The following ARB2A variants were observed in gnomAD, a reference collection of about 807,000 sequenced individuals.
The protein encoded by ARB2A is ARB2 cotranscriptional regulator A.
the ARB2A span, among the ~76,000 whole-genome samples, chr5:93,752,406 A>G: frequency 6.6e-6 from 1 of 152,212 alleles, no homozygotes; most frequent in Non-Finnish European, 1.5e-5. Context: ...TTATTTATCT[A>G]AAAGCATTCC....
chr5:93,864,517 A>C, the ARB2A span, among the ~76,000 whole-genome samples: 1 of 152,156 alleles, frequency 6.6e-6, no homozygotes, highest in Admixed American at 6.6e-5. Context: ...CCAACAAACT[A>C]ATTCCTTTTA....
the ARB2A span, among the ~76,000 whole-genome samples, chr5:93,854,014 G>A: frequency 5.9e-5 from 9 of 152,164 alleles, no homozygotes; most frequent in African/African-American, 1.2e-4. Flanking sequence ...ATTGATTGGA[G>A]TAGTTTCAGA....
At chr5:93,756,848 A>G in the ARB2A span, among the ~76,000 whole-genome samples, 1 of 152,124 alleles carries the variant, frequency 6.6e-6, no homozygotes, top group Non-Finnish European at 1.5e-5. Context: ...ACACTAGTTC[A>G]CCAGCAATGG....
the ARB2A span, among the ~76,000 whole-genome samples, chr5:93,707,723 C>T: frequency 2.0e-5 from 3 of 151,628 alleles, no homozygotes; most frequent in South Asian, 2.1e-4. Flanking sequence ...TACAGATGCC[C>T]GCCCCCACGC....
At chr5:94,040,771 C>T in the ARB2A span, among the ~76,000 whole-genome samples, 1 of 152,060 alleles carries the variant, frequency 6.6e-6, no homozygotes, top group African/African-American at 2.4e-5. Context: ...AACTATCTTG[C>T]CCAGAGATCA....
At chr5:93,892,712 T>C in the ARB2A span, among the ~76,000 whole-genome samples, 3 of 152,280 alleles carry the variant, frequency 2.0e-5, no homozygotes, top group African/African-American at 7.2e-5. Flanking sequence ...CCTTTCCCTC[T>C]CAACACTTGC....
chr5:94,048,813 G>A, the ARB2A span, among the ~76,000 whole-genome samples: 2 of 152,280 alleles, frequency 1.3e-5, no homozygotes, highest in South Asian at 4.1e-4. Flanking sequence ...TTGCCTTGGA[G>A]GGAGATACAA....
the ARB2A span, among the ~76,000 whole-genome samples, chr5:94,030,074 C>T: frequency 6.6e-6 from 1 of 152,140 alleles, no homozygotes; most frequent in East Asian, 1.9e-4. Flanking sequence ...GAAAAACTTG[C>T]CCTCATGATT....
the ARB2A span, among the ~76,000 whole-genome samples, chr5:94,108,298 G>C: frequency 6.6e-6 from 1 of 151,832 alleles, no homozygotes; most frequent in African/African-American, 2.4e-5. Context: ...AAACAGGCCA[G>C]GATAGTCTTT....
At chr5:94,012,319 G>A in the ARB2A span, among the ~76,000 whole-genome samples, 9 of 152,150 alleles carry the variant, frequency 5.9e-5, no homozygotes, top group Admixed American at 3.3e-4. Context: ...GGAGAATGGC[G>A]TGAACCCGGG....
At chr5:93,660,577 T>C in the ARB2A span, among the ~76,000 whole-genome samples, 1 of 152,244 alleles carries the variant, frequency 6.6e-6, no homozygotes, top group African/African-American at 2.4e-5. Context: ...TGCAGGATAG[T>C]AGTAGAAAAC....
the ARB2A span, among the ~76,000 whole-genome samples, chr5:93,898,384 G>T: frequency 2.0e-5 from 3 of 151,822 alleles, no homozygotes; most frequent in African/African-American, 7.3e-5. Context: ...ATACACATAT[G>T]GTACTCTCCT....
chr5:93,736,020 G>A, the ARB2A span: 1 of 152,256 alleles, frequency 6.6e-6, no homozygotes, highest in South Asian at 2.1e-4. Context: ...CTTGAGCACT[G>A]ATGTAGCCCT....
the ARB2A span, among the ~76,000 whole-genome samples, chr5:93,910,366 C>T: frequency 2.0e-5 from 3 of 150,894 alleles, no homozygotes; most frequent in Admixed American, 2.0e-4. Context: ...TATAGATGAA[C>T]ATTTTTTTAA....
the ARB2A span, among the ~76,000 whole-genome samples, chr5:93,948,324 T>C: frequency 4.1e-4 from 62 of 152,370 alleles, no homozygotes; most frequent in African/African-American, 1.4e-3. Context: ...TTGAGAAGTA[T>C]CTGTTCATGT....
chr5:93,704,677 G>A, the ARB2A span, among the ~76,000 whole-genome samples: 3 of 152,252 alleles, frequency 2.0e-5, no homozygotes, highest in African/African-American at 7.2e-5. Flanking sequence ...TGGCTCTGCA[G>A]TGGAAAGCCT....
chr5:94,063,229 G>A, the ARB2A span, among the ~76,000 whole-genome samples: 1 of 151,972 alleles, frequency 6.6e-6, no homozygotes, highest in Non-Finnish European at 1.5e-5. Flanking sequence ...CCATCCAGGG[G>A]CCTGGGGATT....
the ARB2A span, among the ~76,000 whole-genome samples, chr5:93,806,816 C>T: frequency 5.3e-5 from 8 of 151,812 alleles, no homozygotes; most frequent in African/African-American, 1.9e-4. Flanking sequence ...TCACTGATGT[C>T]ATGTTTTTCT....
At chr5:94,062,880 C>T in the ARB2A span, among the ~76,000 whole-genome samples, 1 of 152,186 alleles carries the variant, frequency 6.6e-6, no homozygotes, top group Admixed American at 6.5e-5. Context: ...ACCCCATTGC[C>T]CCAAACAGCA....
Sources: gnomAD v4.1 joint callset for allele counts (sites outside exome capture counted in the v4.1 genomes callset) on GRCh38, gnomAD v4.1.1 for gene constraint, MANE v1.5 for transcripts, NCBI Gene and HGNC (gene_info 2026-07-23, HGNC 2026-07-21) for gene names.